TERB2: variants seen among roughly 807,000 people sequenced by gnomAD.
The protein encoded by TERB2 is telomere repeats-binding bouquet formation protein 2.
A neutral mutation model predicts 29.8 loss-of-function variants in TERB2; 26 were observed. The ratio of observed to expected loss-of-function variants is 0.87; its 90% CI spans 0.64 to 1.21. The LOEUF is 1.21. Ranked by LOEUF, TERB2 falls within the 50% of genes most tolerant of loss-of-function variation. TERB2 has a pLI of 0.00. For missense variants in TERB2, 240 were observed against 268.6 expected (o/e 0.89, Z 0.74); for synonymous variants, 80 against 90.8 (o/e 0.88, Z 0.68).
chr15:44,966,312 TATCTC>T (rs1262501436), intron 5 of TERB2, 69 bp downstream of exon 5: 6 of 894,910 alleles, frequency 6.7e-6, no homozygotes, highest in Non-Finnish European at 9.3e-6. Flanking sequence ...ATTGTGTGCT[TATCTC>T]ATTTAATTTT....
intron 5 of TERB2, among the ~76,000 whole-genome samples, chr15:44,973,250 T>A (rs893662693): frequency 6.6e-6 from 1 of 152,238 alleles, no homozygotes; most frequent in Non-Finnish European, 1.5e-5. Flanking sequence ...ATTATTTGAA[T>A]ACTAACAAAC....
At chr15:44,960,606 A>G (rs570857091) in intron 3 of TERB2, among the ~76,000 whole-genome samples, 2 of 152,068 alleles carry the variant, frequency 1.3e-5, no homozygotes, top group African/African-American at 4.8e-5. Flanking sequence ...TCAATATATA[A>G]TCTATAAAAA....
At chr15:44,966,386 T>C (rs1891888786) in intron 5 of TERB2, 143 bp downstream of exon 5, 1 of 439,178 alleles carries the variant, frequency 2.3e-6, no homozygotes, top group Non-Finnish European at 3.9e-6. Context: ...AAAAAAGAGA[T>C]CTATGATTAG....
chr15:44,978,831 C>T lies in TERB2; in HGVS notation c.*203C>T, dbSNP rs1437810831. On this transcript the variant is annotated 3_prime_UTR_variant, in exon 7 of 7. Transcript: ENST00000340827. ...TTCCCCTAGCTTTTAACAACATGTT[C>T]AAATATTCTCAATGCACAGTTGTTA... is the stretch of plus-strand genomic sequence containing the variant. The T allele has an allele frequency of 7.5e-6, 4 of 532,068 alleles. No homozygotes were observed. Among genetic ancestry groups the T allele is most frequent in the Non-Finnish European group, 1.1e-5 (4 of 359,340 alleles). The allele number at this position is 532,068 out of a possible 1,614,324, so 33.0% of individuals were successfully genotyped here. A position where few individuals can be genotyped will look rare whatever the true frequency, so the allele number is the denominator to read the frequency against.
chr15:44,973,013 G>A (rs900874545), intron 5 of TERB2, among the ~76,000 whole-genome samples: 2 of 151,166 alleles, frequency 1.3e-5, no homozygotes, highest in East Asian at 3.9e-4. Context: ...CTTCCGAGTA[G>A]CTGGGATTAC....
intron 6 of TERB2, 43 bp from the exon 7 acceptor site, chr15:44,978,446 G>A (rs746659940): frequency 8.6e-6 from 13 of 1,509,198 alleles, no homozygotes; most frequent in South Asian, 1.4e-5. Context: ...AATAGTATGA[G>A]CGGGTTTTAA....
At position 44,971,601 on chromosome 15, in the gene TERB2, A is replaced by C. The variant is rs1891968809; in HGVS notation, c.435-2266A>C. Among the ~76,000 whole-genome samples the C allele has an allele frequency of 2.0e-5, 3 of 151,974 alleles. No homozygotes were observed. The South Asian group carries it at 6.2e-4, about 32-fold the overall frequency. The stretch of plus-strand genomic sequence containing the variant: ...AAACCCCGTGTCTACTAAAAATACA[A>C]AAAATTAGCCAGGTGTGGTGGCGGG... On this transcript the variant is annotated intron_variant, in intron 5 of 6. Coordinates refer to ENST00000340827, the MANE Select transcript of TERB2 (RefSeq NM_152448.3).
At chr15:44,965,745 A>G (rs1418856870) in intron 4 of TERB2, among the ~76,000 whole-genome samples, 1 of 151,234 alleles carries the variant, frequency 6.6e-6, no homozygotes, top group Admixed American at 6.6e-5. Context: ...TTTGTAGCTC[A>G]CAGGAATCCC....
At chr15:44,975,241 A>G (rs1208801523) in intron 6 of TERB2, among the ~76,000 whole-genome samples, 4 of 152,130 alleles carry the variant, frequency 2.6e-5, no homozygotes, top group Non-Finnish European at 4.4e-5. Flanking sequence ...AATAATAGCA[A>G]TTTCTTGGGA....
intron 4 of TERB2, among the ~76,000 whole-genome samples, chr15:44,965,016 T>A (rs370249901): frequency 1.9e-3 from 290 of 151,614 alleles, no homozygotes; most frequent in East Asian, 3.5e-3. Flanking sequence ...ACAAAAAATT[T>A]GCCAGATGTG....
intron 5 of TERB2, among the ~76,000 whole-genome samples, chr15:44,971,830 C>G (rs889560832): frequency 5.3e-5 from 8 of 151,712 alleles, no homozygotes; most frequent in Non-Finnish European, 1.0e-4. Flanking sequence ...TTCATCCCCC[C>G]CCCTCCTTTT....
rs1458918120 is a variant in TERB2 at position 44,956,959 on chromosome 15, C to T, written c.128C>T (p.Ser43Leu). The T allele has an allele frequency of 1.2e-6, 2 of 1,613,572 alleles. No homozygotes were observed. The highest frequency in any genetic ancestry group is 1.1e-5 in the South Asian group (1 of 91,086). The change falls in exon 2 of 7, where the codon TCG (serine) becomes TTG (leucine). Residue 43 changes from serine to leucine, a missense_variant. Ser to Leu is a moderately radical substitution (Grantham distance 145, BLOSUM62 -2). Transcript: ENST00000340827. Reference sequence around the variant, plus strand: ...GACTTCTTGTTCAGCTGTGATGCCTCGCACCCAGACACGCTGAGGTACTGA... The same window carrying T: ...GACTTCTTGTTCAGCTGTGATGCCTTGCACCCAGACACGCTGAGGTACTGA... ...AADFLFSCDA[S>L]HPDTLRIYQS...
Position 44,978,506 on chromosome 15 carries a change from G to C in TERB2, c.541G>C (p.Ala181Pro), listed in dbSNP as rs778925434. ...TTTTGTAGGTTATATATCAATTGAT[G>C]CCATGAAGAAATTCCTTGGGGAGCT... Reference protein sequence around the residue: ...NMVTGYISIDAMKKFLGELHD... With the variant: ...NMVTGYISIDPMKKFLGELHD... Residue 181 changes from alanine to proline, a missense_variant, in exon 7 of 7, where the codon GCC (alanine) becomes CCC (proline). By Grantham distance (27) the Ala-to-Pro change is conservative (BLOSUM62 -1). Coordinates refer to ENST00000340827, the MANE Select transcript of TERB2 (RefSeq NM_152448.3). 3.7e-6 allele frequency: 6 copies of C among 1,603,182 alleles called. No individual in the cohort carries two copies. Among genetic ancestry groups the C allele is most frequent in the Non-Finnish European group, 5.1e-6 (6 of 1,174,724 alleles).
chr15:44,965,617 TA>T (rs912271268), intron 4 of TERB2, among the ~76,000 whole-genome samples: 1 of 144,822 alleles, frequency 6.9e-6, no homozygotes, highest in Non-Finnish European at 1.5e-5. Flanking sequence ...AATAGATATA[TA>T]AATATATATC....
rs111439793 is a variant in TERB2 at position 44,956,930 on chromosome 15, C to T, written c.99C>T (p.Ala33=). ...AEGGTISDPR[A]ADFLFSCDAS... is the part of the protein sequence containing the mutation. ...GGGGAACGATCAGTGACCCGCGAGCCGCCGACTTCTTGTTCAGCTGTGATG... is the reference window on the plus strand; with the variant it reads ...GGGGAACGATCAGTGACCCGCGAGCTGCCGACTTCTTGTTCAGCTGTGATG... Residue 33 remains alanine, a synonymous_variant, in exon 2 of 7, where the codon GCC becomes GCT. Coordinates refer to ENST00000340827, the MANE Select transcript of TERB2 (RefSeq NM_152448.3). 47 of 1,613,996 alleles carry T rather than the reference C, an allele frequency of 2.9e-5. 1 individual carries two copies. The African/African-American group carries it at 4.0e-4, about 14-fold the overall frequency.
intron 6 of TERB2, 30 bp from the exon 7 acceptor site, chr15:44,978,459 A>C: frequency 6.4e-7 from 1 of 1,564,218 alleles, no homozygotes; most frequent in Non-Finnish European, 8.6e-7. Flanking sequence ...GGTTTTAAGT[A>C]TATATCTTTT....
In TERB2 at chr15:44,978,699, G is replaced by T; in HGVS notation, c.*71G>T. The T allele has an allele frequency of 7.3e-7, 1 of 1,378,580 alleles. No individual in the cohort carries two copies. The highest frequency in any genetic ancestry group is 9.5e-7 in the Non-Finnish European group (1 of 1,055,720). 85.4% of individuals were successfully genotyped at this position (1,378,580 alleles called of 1,614,324 possible). On this transcript the variant is annotated 3_prime_UTR_variant, in exon 7 of 7. Coordinates refer to ENST00000340827, the MANE Select transcript of TERB2 (RefSeq NM_152448.3). Reference sequence around the variant, plus strand: ...TATACAGATGTGCATATCATAAAATGCTCCCTTTTGGTACTGGGGGATAGT... The same window carrying T: ...TATACAGATGTGCATATCATAAAATTCTCCCTTTTGGTACTGGGGGATAGT...
At position 44,966,144 on chromosome 15, in the gene TERB2, T is replaced by G; in HGVS notation, c.349-14T>G. 2.0e-6 allele frequency: 3 copies of G among 1,467,290 alleles called. No homozygotes were observed. The highest frequency in any genetic ancestry group is 2.7e-6 in the Non-Finnish European group (3 of 1,108,078). 90.9% of individuals were successfully genotyped at this position (1,467,290 alleles called of 1,614,324 possible). A position where few individuals can be genotyped will look rare whatever the true frequency, so the allele number is the denominator to read the frequency against. ...GACGATTTTTTAAAATGTGATTTAC[T>G]TTTCTATCCACAGCATGATGAAGTA... On this transcript the variant is annotated splice_polypyrimidine_tract_variant and intron_variant, in intron 4 of 6. Transcript: ENST00000340827.
At position 44,960,027 on chromosome 15, in the gene TERB2, G is replaced by C. The variant is rs1283094712; in HGVS notation, c.287-1496G>C. Among the ~76,000 whole-genome samples the C allele has an allele frequency of 2.0e-5, 3 of 152,094 alleles. No individual in the cohort carries two copies. The East Asian group carries it at 5.8e-4, about 29-fold the overall frequency. On this transcript the variant is annotated intron_variant, in intron 3 of 6. Transcript: ENST00000340827. ...CATAAATCAATTAATGACTGGATGG[G>C]GGAATTGATTTTAAAAACTACTTGT...
Sources: gnomAD v4.1 joint callset for allele counts (sites outside exome capture counted in the v4.1 genomes callset) on GRCh38, gnomAD v4.1.1 for gene constraint, MANE v1.5 for transcripts, NCBI Gene and HGNC (gene_info 2026-07-23, HGNC 2026-07-21) for gene names.